The following PCDHGB5 variants were observed in gnomAD, a reference collection of about 807,000 sequenced individuals.
PCDHGB5 encodes protocadherin gamma-B5.
PCDHGB5 carries 48 observed loss-of-function variants against 62.9 expected under a neutral mutation model. The observed-to-expected ratio is 0.76, with a 90% CI of 0.61 to 0.97. PCDHGB5 has a LOEUF of 0.97. Ranked by LOEUF, PCDHGB5 falls within the 50% of genes least tolerant of loss-of-function variation. PCDHGB5 has a pLI of 0.00. For synonymous variants in PCDHGB5, 474 were observed against 511.2 expected (o/e 0.93, Z 0.98); for missense variants, 1,118 against 1,198.6 (o/e 0.93, Z 0.99).
chr5:141,431,356 C>T lies in PCDHGB5; in HGVS notation c.2397+30832C>T. ...ACCCCGAATTGGTGCTGAAACGCGC[C>T]CTGGACCGCGAAGAAAAGGCTGCTC... On this transcript the variant is annotated intron_variant, in intron 1 of 3. Transcript: ENST00000617380. This position sits in a 1 kb window ranked among gnomAD's most constrained non-coding sequence, Gnocchi z 4.8. 6.2e-7 allele frequency: 1 copy of T among 1,614,004 alleles called. No individual in the cohort carries two copies. The highest frequency in any genetic ancestry group is 8.5e-7 in the Non-Finnish European group (1 of 1,180,026).
In PCDHGB5 at chr5:141,432,255, C is replaced by T. The variant is rs1561859576; in HGVS notation, c.2397+31731C>T. The T allele has an allele frequency of 6.2e-7, 1 of 1,614,246 alleles. No individual in the cohort carries two copies. The highest frequency in any genetic ancestry group is 8.5e-7 in the Non-Finnish European group (1 of 1,180,048). On this transcript the variant is annotated intron_variant, in intron 1 of 3. Transcript: ENST00000617380. This position sits in a 1 kb window ranked among gnomAD's most constrained non-coding sequence, Gnocchi z 6.0. The stretch of plus-strand genomic sequence containing the variant: ...CTGGCTGAGAACACCATCCAAGGGG[C>T]AAGCCTATCGTCCTACGTGTCCATC...
At chr5:141,505,260 C>T in intron 2 of PCDHGB5, 133 bp from the exon 3 acceptor site, 2 of 1,502,832 alleles carry the variant, frequency 1.3e-6, no homozygotes, top group South Asian at 1.3e-5. Context: ...TGCCTCCTAC[C>T]TTGCTGAGAG....
Position 141,491,000 on chromosome 5 carries a change from C to T in PCDHGB5, c.2398-3807C>T. 6.2e-7 allele frequency: 1 copy of T among 1,614,142 alleles called. No homozygotes were observed. The highest frequency in any genetic ancestry group is 1.1e-5 in the South Asian group (1 of 91,086). On this transcript the variant is annotated intron_variant, in intron 1 of 3. Transcript: ENST00000617380. The surrounding 1 kb of genome is among the most constrained non-coding windows in gnomAD (Gnocchi z 5.4). ...CTCCCTCGCTCTGCTCCTCCTGGCTCCTTGGTCACCAAGGTGACAGCCGTG... is the reference window on the plus strand; with the variant it reads ...CTCCCTCGCTCTGCTCCTCCTGGCTTCTTGGTCACCAAGGTGACAGCCGTG...
chr5:141,425,015 A>G (rs1285592254), intron 1 of PCDHGB5, among the ~76,000 whole-genome samples: 2 of 152,190 alleles, frequency 1.3e-5, no homozygotes, highest in East Asian at 3.8e-4. Context: ...TCATTTAGGA[A>G]TTTACCTTAT....
chr5:141,417,767 T>G lies in PCDHGB5; in HGVS notation c.2397+17243T>G, dbSNP rs1333916865. 1.3e-5 allele frequency: 19 copies of G among 1,442,000 alleles called. No individual in the cohort carries two copies. The South Asian group carries it at 1.8e-4, about 13-fold the overall frequency. 89.3% of individuals were successfully genotyped at this position (1,442,000 alleles called of 1,614,324 possible). ...GATTGCCAGCTCCGAGACCCGGGAC[T>G]CCTCCTGTCCTGGGCCGAATGCTCT... On this transcript the variant is annotated intron_variant, in intron 1 of 3. Coordinates refer to ENST00000617380, the MANE Select transcript of PCDHGB5 (RefSeq NM_018925.3).
At chr5:141,482,555 T>C (rs1419129474) in intron 1 of PCDHGB5, among the ~76,000 whole-genome samples, 1 of 116,392 alleles carries the variant, frequency 8.6e-6, no homozygotes, top group African/African-American at 3.8e-5. Context: ...AAAAAGATAA[T>C]GGAGATCTGC....
intron 1 of PCDHGB5, chr5:141,475,916 G>C (rs1396506642): frequency 1.7e-6 from 1 of 595,408 alleles, no homozygotes; most frequent in Non-Finnish European, 2.9e-6. Flanking sequence ...CAATGAAGAC[G>C]CTGGAGATCG....
At position 141,399,619 on chromosome 5, in the gene PCDHGB5, G is replaced by T. The variant is rs749025661; in HGVS notation, c.1492G>T (p.Ala498Ser). The part of the protein sequence containing the change: ...MASDLEPLAL[A>S]SYVSMSAQSG... ...CAGCGACCTAGAGCCTCTGGCACTG[G>T]CCTCTTACGTGTCCATGAGCGCGCA... Residue 498 changes from alanine to serine, a missense_variant, in exon 1 of 4, where the codon GCC becomes TCC. Around this residue, in one of 2 missense-constraint regions of PCDHGB5, gnomAD observed 1,034 missense variants for 1,029.1 expected, o/e 1.00. Coordinates refer to ENST00000617380, the MANE Select transcript of PCDHGB5 (RefSeq NM_018925.3). 2 of 1,613,784 alleles carry T rather than the reference G, an allele frequency of 1.2e-6. No individual in the cohort carries two copies. Among genetic ancestry groups the T allele is most frequent in the Non-Finnish European group, 1.7e-6 (2 of 1,179,894 alleles).
At position 141,400,357 on chromosome 5, in the gene PCDHGB5, T is replaced by C. The variant is rs769075513; in HGVS notation, c.2230T>C (p.Leu744=). ...TCCCCCCAACTACAGTCAGGGGACT[T>C]TGCCTTATTCCTACAACCTATGTGT... ...VVPPNYSQGT[L]PYSYNLCVAH... is the part of the protein sequence containing the mutation. The change falls in exon 1 of 4, where the codon TTG becomes CTG. Residue 744 remains leucine (L), a synonymous_variant. Transcript: ENST00000617380. The C allele has an allele frequency of 6.2e-7, 1 of 1,614,052 alleles. No individual in the cohort carries two copies. Among genetic ancestry groups the C allele is most frequent in the Non-Finnish European group, 8.5e-7 (1 of 1,179,896 alleles).
chr5:141,402,704 T>C (rs1237933133), intron 1 of PCDHGB5, among the ~76,000 whole-genome samples: 1 of 152,216 alleles, frequency 6.6e-6, no homozygotes, highest in East Asian at 1.9e-4. Flanking sequence ...TCAGTGGGTG[T>C]AGTAACGGCT....
chr5:141,422,259 C>T (rs751340056), intron 1 of PCDHGB5: 2 of 1,565,034 alleles, frequency 1.3e-6, no homozygotes, highest in Non-Finnish European at 1.7e-6. Flanking sequence ...TGAATGATAA[C>T]GCTCCAGAAA....
At chr5:141,451,019 G>A (rs1348607593) in intron 1 of PCDHGB5, among the ~76,000 whole-genome samples, 7 of 151,274 alleles carry the variant, frequency 4.6e-5, no homozygotes, top group Admixed American at 2.0e-4. Context: ...TAGTAGAGAC[G>A]AGGTTTCACC....
chr5:141,414,106 CTAGA>C, intron 1 of PCDHGB5: 1 of 1,592,656 alleles, frequency 6.3e-7, no homozygotes, highest in Non-Finnish European at 8.6e-7. Flanking sequence ...ATCAGAAAAT[CTAGA>C]TTATGAAGAA....
At chr5:141,463,518 G>C (rs537466389) in intron 1 of PCDHGB5, among the ~76,000 whole-genome samples, 1 of 139,068 alleles carries the variant, frequency 7.2e-6, no homozygotes, top group African/African-American at 2.8e-5. Context: ...GCGTGATCTC[G>C]GCTTACTAGA....
intron 1 of PCDHGB5, among the ~76,000 whole-genome samples, chr5:141,464,934 G>T (rs1353581045): frequency 1.3e-5 from 2 of 151,416 alleles, no homozygotes; most frequent in African/African-American, 4.8e-5. Flanking sequence ...GAGATGTGAG[G>T]TCTCACTATG....
intron 2 of PCDHGB5, among the ~76,000 whole-genome samples, chr5:141,496,631 G>A (rs1434126210): frequency 6.6e-6 from 1 of 152,164 alleles, no homozygotes; most frequent in Admixed American, 6.5e-5. Context: ...CAAAAGGCTT[G>A]GGCTGCCCTT....
At chr5:141,422,959 C>G in intron 1 of PCDHGB5, 1 of 1,614,234 alleles carries the variant, frequency 6.2e-7, no homozygotes, top group Non-Finnish European at 8.5e-7. Flanking sequence ...TGGCGTGGAG[C>G]TGGCGCCCCG....
At chr5:141,451,610 G>T (rs184745360) in intron 1 of PCDHGB5, among the ~76,000 whole-genome samples, 60 of 152,298 alleles carry the variant, frequency 3.9e-4, no homozygotes, top group African/African-American at 1.3e-3. Context: ...GGCTAGGCAT[G>T]GTGGCTCAAA....
Position 141,419,681 on chromosome 5 carries a change from G to A in PCDHGB5, c.2397+19157G>A, listed in dbSNP as rs377117997. ...GCACAATGCCTGGCTGTCCTACCACGTGGTGCAGGCCAGTGAGCCCGGGCT... is the reference window on the plus strand; with the variant it reads ...GCACAATGCCTGGCTGTCCTACCACATGGTGCAGGCCAGTGAGCCCGGGCT... On this transcript the variant is annotated intron_variant, in intron 1 of 3. Coordinates refer to ENST00000617380, the MANE Select transcript of PCDHGB5 (RefSeq NM_018925.3). 76 of 1,612,904 alleles carry A rather than the reference G, an allele frequency of 4.7e-5. No homozygotes were observed. The highest frequency in any genetic ancestry group is 5.7e-5 in the Non-Finnish European group (67 of 1,179,706).
Sources: allele counts gnomAD v4.1 joint callset (sites outside exome capture counted in the v4.1 genomes callset), GRCh38; gene constraint gnomAD v4.1.1; regional missense constraint gnomAD v4.1.1; non-coding constraint Gnocchi (gnomAD v3.1); transcripts MANE v1.5; gene names NCBI Gene and HGNC (gene_info 2026-07-23, HGNC 2026-07-21).